The following CFAP54 variants were observed in gnomAD, a reference collection of about 807,000 sequenced individuals.
CFAP54 encodes the protein cilia and flagella associated protein 54, also known as cilia- and flagella-associated protein 54.
A neutral mutation model predicts 370.4 loss-of-function variants in CFAP54; 290 were observed. The observed-to-expected ratio is 0.78, with a 90% CI of 0.71 to 0.86. The LOEUF is 0.86. CFAP54 is among the 40% of genes least tolerant of loss of function. The pLI is 0.00. For synonymous variants in CFAP54, 1,206 were observed against 1,236.5 expected (o/e 0.98, Z 0.52); for missense variants, 3,399 against 3,528.7 (o/e 0.96, Z 0.93).
At chr12:96,803,803 A>C (rs1186044663) in intron 63 of CFAP54, among the ~76,000 whole-genome samples, 1 of 152,190 alleles carries the variant, frequency 6.6e-6, no homozygotes, top group Admixed American at 6.5e-5. Flanking sequence ...AGATGCACAT[A>C]TCAATGGAAG....
intron 4 of CFAP54, among the ~76,000 whole-genome samples, chr12:96,507,616 AAAT>A (rs1292838699): frequency 6.6e-6 from 1 of 152,144 alleles, no homozygotes; most frequent in Admixed American, 6.6e-5. Context: ...CTCAGCTAAA[AAAT>A]GTAATACTTG....
chr12:96,810,376 C>T (rs1958918763), intron 63 of CFAP54, among the ~76,000 whole-genome samples: 1 of 151,994 alleles, frequency 6.6e-6, no homozygotes, highest in Non-Finnish European at 1.5e-5. Context: ...TTAAAAATAC[C>T]TTTACTCTTA....
intron 33 of CFAP54, among the ~76,000 whole-genome samples, chr12:96,644,875 A>G (rs547984467): frequency 1.3e-5 from 2 of 152,284 alleles, no homozygotes; most frequent in Admixed American, 6.5e-5. Context: ...GGGGACAGAG[A>G]GCCAAACCAT....
chr12:96,699,683 A>G lies in CFAP54; in HGVS notation c.6352-288A>G, dbSNP rs575328041. ...ACTTTTATACAGCTATCATAAAAATATTAATGTGTTTGCCTCTGATGAAGT... is the reference window on the plus strand; with the variant it reads ...ACTTTTATACAGCTATCATAAAAATGTTAATGTGTTTGCCTCTGATGAAGT... On this transcript the variant is annotated intron_variant, in intron 45 of 67. Coordinates refer to ENST00000524981, the MANE Select transcript of CFAP54 (RefSeq NM_001306084.2). Among the ~76,000 whole-genome samples, 14 of 152,312 alleles carry G rather than the reference A, an allele frequency of 9.2e-5. No homozygotes were observed. The South Asian group carries it at 2.7e-3, about 29-fold the overall frequency.
chr12:96,858,609 T>C (rs1354243659), intron 66 of CFAP54, among the ~76,000 whole-genome samples: 2 of 152,162 alleles, frequency 1.3e-5, no homozygotes, highest in East Asian at 1.9e-4. Flanking sequence ...TCTTTCAGGG[T>C]TTGTATAGTG....
intron 1 of CFAP54, among the ~76,000 whole-genome samples, chr12:96,498,720 G>A (rs766637573): frequency 6.6e-6 from 1 of 152,096 alleles, no homozygotes; most frequent in Non-Finnish European, 1.5e-5. Flanking sequence ...CTTGGGTTTG[G>A]TGATGAGTTT....
intron 66 of CFAP54, among the ~76,000 whole-genome samples, chr12:96,838,517 G>A (rs939142958): frequency 1.3e-5 from 2 of 151,988 alleles, no homozygotes; most frequent in African/African-American, 4.8e-5. Context: ...AGAAGGGGAA[G>A]CAGGCATGTC....
At chr12:96,647,086 A>G (rs1035340165) in intron 33 of CFAP54, 4 of 152,204 alleles carry the variant, frequency 2.6e-5, no homozygotes, top group Admixed American at 1.3e-4. Context: ...CATGTACCCT[A>G]AAACTTAAAG....
Position 96,527,435 on chromosome 12 carries a change from C to G in CFAP54, c.1348C>G (p.Leu450Val). The change falls in exon 9 of 68, where the codon CTT (leucine) becomes GTT (valine). Residue 450 changes from leucine (L) to valine (V), a missense_variant. Leu to Val is a conservative substitution (Grantham distance 32). Around this residue, in one of 3 missense-constraint regions of CFAP54, gnomAD observed 559 missense variants for 576.7 expected, o/e 0.97. Transcript: ENST00000524981. ...VSELFMAGKE[L>V]LIMSNIGADG... Reference sequence around the variant, plus strand: ...AGAATTGTTTATGGCAGGAAAAGAACTTTTGATAAGTAAATAAGATGTTAA... The same window carrying G: ...AGAATTGTTTATGGCAGGAAAAGAAGTTTTGATAAGTAAATAAGATGTTAA... The G allele has an allele frequency of 6.6e-7, 1 of 1,512,646 alleles. No individual in the cohort carries two copies. The highest frequency in any genetic ancestry group is 8.8e-7 in the Non-Finnish European group (1 of 1,133,608). 93.7% of individuals were successfully genotyped at this position (1,512,646 alleles called of 1,614,324 possible). A position where few individuals can be genotyped will look rare whatever the true frequency, so the allele number is the denominator to read the frequency against.
At chr12:96,823,218 GC>G (rs1383289632) in intron 65 of CFAP54, among the ~76,000 whole-genome samples, 1 of 152,020 alleles carries the variant, frequency 6.6e-6, no homozygotes, top group African/African-American at 2.4e-5. Flanking sequence ...GCATTTTCTA[GC>G]CCTTCTAGAC....
At chr12:96,767,205 T>C in intron 60 of CFAP54, among the ~76,000 whole-genome samples, 1 of 152,310 alleles carries the variant, frequency 6.6e-6, no homozygotes, top group East Asian at 1.9e-4. Flanking sequence ...AAATCCAAAC[T>C]ATCGCATATG....
chr12:96,833,599 C>T (rs561214329), intron 66 of CFAP54, among the ~76,000 whole-genome samples: 32 of 151,056 alleles, frequency 2.1e-4, no homozygotes, highest in Non-Finnish European at 4.1e-4. Flanking sequence ...TTCCTAGGAG[C>T]AGATCATGAT....
Position 96,642,418 on chromosome 12 carries a change from A to G in CFAP54, c.4317-1760A>G, listed in dbSNP as rs186791946. Among the ~76,000 whole-genome samples, 466 of 152,336 alleles carry G rather than the reference A, an allele frequency of 3.1e-3. 3 individuals are homozygous for G. Among genetic ancestry groups the G allele is most frequent in the African/African-American group, 0.01 (426 of 41,578 alleles). On this transcript the variant is annotated intron_variant, in intron 32 of 67. Transcript: ENST00000524981. ...AGCTGGGAAATGTATTTGTTCAGATAAATTTATCTATCTAAATCTATCTTA... is the reference window on the plus strand; with the variant it reads ...AGCTGGGAAATGTATTTGTTCAGATGAATTTATCTATCTAAATCTATCTTA...
intron 64 of CFAP54, among the ~76,000 whole-genome samples, chr12:96,814,765 C>T (rs564197075): frequency 6.6e-6 from 1 of 152,224 alleles, no homozygotes; most frequent in South Asian, 2.1e-4. Flanking sequence ...TCCATGTGTT[C>T]TCATTGTTCA....
chr12:96,666,668 C>T (rs992897444), intron 39 of CFAP54, among the ~76,000 whole-genome samples: 1 of 152,170 alleles, frequency 6.6e-6, no homozygotes, highest in African/African-American at 2.4e-5. Context: ...ATTCAGTTAC[C>T]TCCCACTGGG....
chr12:96,849,777 C>T (rs1959482673), intron 66 of CFAP54, among the ~76,000 whole-genome samples: 1 of 152,142 alleles, frequency 6.6e-6, no homozygotes, highest in Non-Finnish European at 1.5e-5. Context: ...CCTTTCCCTT[C>T]TTCTTACTAT....
chr12:96,503,450 T>C (rs1431069891), intron 2 of CFAP54, among the ~76,000 whole-genome samples: 1 of 135,382 alleles, frequency 7.4e-6, no homozygotes, highest in African/African-American at 2.7e-5. Flanking sequence ...CCTTCCTTCC[T>C]TTGTTTCTCT....
chr12:96,815,966 C>T (rs1958970434), intron 64 of CFAP54, among the ~76,000 whole-genome samples: 2 of 152,136 alleles, frequency 1.3e-5, no homozygotes, highest in Non-Finnish European at 2.9e-5. Context: ...TTACTGTAGC[C>T]TTGTAGTACA....
intron 33 of CFAP54, among the ~76,000 whole-genome samples, chr12:96,647,278 C>G (rs1036025004): frequency 1.3e-5 from 2 of 151,442 alleles, no homozygotes; most frequent in Non-Finnish European, 2.9e-5. Context: ...TCGAGACCAT[C>G]CTGGCTAACA....
Sources: allele counts gnomAD v4.1 joint callset (sites outside exome capture counted in the v4.1 genomes callset), GRCh38; gene constraint gnomAD v4.1.1; regional missense constraint gnomAD v4.1.1; transcripts MANE v1.5; gene names NCBI Gene and HGNC (gene_info 2026-07-23, HGNC 2026-07-21).